RELN: variants seen among roughly 807,000 people sequenced by gnomAD.
The protein encoded by RELN is reelin.
In RELN, 108 loss-of-function variants were observed where a neutral mutation model predicts 427.6. The ratio of observed to expected loss-of-function variants is 0.25; its 90% CI spans 0.22 to 0.30. RELN has a LOEUF of 0.30. Ranked by LOEUF, RELN falls within the 10% of genes least tolerant of loss-of-function variation. The pLI is 1.00. For missense variants in RELN, 3,715 were observed against 4,302.8 expected (o/e 0.86, Z 3.82); for synonymous variants, 1,524 against 1,513.4 (o/e 1.01, Z -0.16).
At chr7:103,811,061 ATTAT>A (rs1283559362) in intron 3 of RELN, among the ~76,000 whole-genome samples, 1 of 152,246 alleles carries the variant, frequency 6.6e-6, no homozygotes, top group Non-Finnish European at 1.5e-5. Flanking sequence ...TTAATGTTCA[ATTAT>A]TTATTTTTTA....
chr7:103,545,290 C>A lies in RELN; in HGVS notation c.6357G>T (p.Val2119=). The A allele has an allele frequency of 1.2e-6, 2 of 1,614,158 alleles. No individual in the cohort carries two copies. Among genetic ancestry groups the A allele is most frequent in the Non-Finnish European group, 1.7e-6 (2 of 1,180,004 alleles). ...QGFYPAGSQP[V]TWAIDNVYIG... Reference sequence around the variant, plus strand: ...TGTAGACATTATCAATGGCCCATGTCACTGGCTGAGAGCCGGCAGGGTAAA... The same window carrying A: ...TGTAGACATTATCAATGGCCCATGTAACTGGCTGAGAGCCGGCAGGGTAAA... The change falls in exon 42 of 65, where the codon GTG becomes GTT. Residue 2119 remains valine, a synonymous_variant. Coordinates refer to ENST00000428762, the MANE Select transcript of RELN (RefSeq NM_005045.4).
chr7:103,878,978 G>A (rs561385865), intron 2 of RELN, among the ~76,000 whole-genome samples: 1 of 152,178 alleles, frequency 6.6e-6, no homozygotes, highest in Non-Finnish European at 1.5e-5. Context: ...CTAACAAAGT[G>A]AACCTCAGGC....
At chr7:103,777,109 G>C (rs1287358140) in intron 3 of RELN, among the ~76,000 whole-genome samples, 1 of 152,080 alleles carries the variant, frequency 6.6e-6, no homozygotes, top group African/African-American at 2.4e-5. Flanking sequence ...GCTATTCAAA[G>C]CTTTCATAAT....
At position 103,490,810 on chromosome 7, in the gene RELN, C is replaced by T. The variant is rs769668891; in HGVS notation, c.9463G>A (p.Val3155Ile). The T allele has an allele frequency of 5.3e-5, 85 of 1,613,996 alleles. No individual in the cohort carries two copies. The highest frequency in any genetic ancestry group is 6.0e-5 in the Non-Finnish European group (71 of 1,180,024). ...KDARSDSWQL[V>I]QTQCLPSSSN... is the part of the protein sequence containing the mutation. ...GAGGAAGGAAGGCACTGGGTCTGTA[C>T]GAGCTGCCAGGAATCCGATCTGCAG... The change falls in exon 59 of 65, where the codon GTA (valine) becomes ATA (isoleucine). Residue 3155 changes from valine (V) to isoleucine (I), a missense_variant. Val to Ile is a conservative substitution (Grantham distance 29, BLOSUM62 3). Around this residue, in one of 4 missense-constraint regions of RELN, gnomAD observed 1,310 missense variants for 1,643.0 expected, o/e 0.80. Coordinates refer to ENST00000428762, the MANE Select transcript of RELN (RefSeq NM_005045.4).
rs766869538 is a variant in RELN, at chr7:103,522,100, G to T, written c.7590C>A (p.Asn2530Lys). Residue 2530 changes from asparagine to lysine, a missense_variant, in exon 48 of 65, where the codon AAC becomes AAA. Around this residue, in one of 4 missense-constraint regions of RELN, gnomAD observed 1,310 missense variants for 1,643.0 expected, o/e 0.80. Transcript: ENST00000428762. Reference sequence around the variant, plus strand: ...ATTTCCCTCCGTTCACAGTCAGCCAGTTCTGACTGGATGGAGCTCGATTGA... The same window carrying T: ...ATTTCCCTCCGTTCACAGTCAGCCATTTCTGACTGGATGGAGCTCGATTGA... Reference protein sequence around the residue: ...DNFNRAPSSQNWLTVNGGKLS... With the variant: ...DNFNRAPSSQKWLTVNGGKLS... The T allele has an allele frequency of 2.3e-5, 37 of 1,613,944 alleles. No homozygotes were observed. Among genetic ancestry groups the T allele is most frequent in the Admixed American group, 1.8e-4 (11 of 59,994 alleles).
intron 4 of RELN, among the ~76,000 whole-genome samples, chr7:103,764,532 G>C (rs568157942): frequency 6.6e-6 from 1 of 151,834 alleles, no homozygotes; most frequent in African/African-American, 2.4e-5. Flanking sequence ...GTTCAACAGG[G>C]ACAATATAAA....
intron 1 of RELN, among the ~76,000 whole-genome samples, chr7:103,982,431 ATTTGTTTTC>A (rs1280198100): frequency 5.3e-5 from 8 of 152,168 alleles, no homozygotes; most frequent in Non-Finnish European, 2.9e-5. Flanking sequence ...AAATGTACTG[ATTTGTTTTC>A]ATATTACTAT....
chr7:103,520,967 T>G lies in RELN; in HGVS notation c.7668+1055A>C, dbSNP rs112374007. ...GGCAGTAAATTTGTTATTTTTTTTT[T>G]TTTTTTTTTTTTTTTTTTTTGAGAC... On this transcript the variant is annotated intron_variant, in intron 48 of 64. Transcript: ENST00000428762. Among the ~76,000 whole-genome samples the G allele has an allele frequency of 6.1e-5, 6 of 98,236 alleles. No homozygotes were observed. In the East Asian group the frequency reaches 1.5e-3, roughly 25 times the overall value. 64.4% of individuals were successfully genotyped at this position (98,236 alleles called of 152,430 possible).
chr7:103,930,784 T>C lies in RELN; in HGVS notation c.227-13599A>G, dbSNP rs148835589. Among the ~76,000 whole-genome samples the C allele has an allele frequency of 2.4e-3, 363 of 152,178 alleles. 2 individuals carry two copies. Among genetic ancestry groups the C allele is most frequent in the African/African-American group, 8.3e-3 (344 of 41,526 alleles). ...TGCCCAGCCCCATAACACATCTCTA[T>C]TCATTGCTTTTCTTCATGCTTCATT... On this transcript the variant is annotated intron_variant, in intron 1 of 64. Transcript: ENST00000428762.
At chr7:103,763,323 T>C (rs1791349321) in intron 4 of RELN, among the ~76,000 whole-genome samples, 1 of 152,210 alleles carries the variant, frequency 6.6e-6, no homozygotes, top group South Asian at 2.1e-4. Context: ...CTTTATATGG[T>C]TCATTCATTT....
At chr7:103,547,799 A>G (rs1432872637) in intron 41 of RELN, among the ~76,000 whole-genome samples, 1 of 152,040 alleles carries the variant, frequency 6.6e-6, no homozygotes, top group African/African-American at 2.4e-5. Flanking sequence ...ATTTATTCAA[A>G]TGTTCTGAAT....
chr7:103,657,126 T>A (rs999489176), intron 12 of RELN, among the ~76,000 whole-genome samples: 7 of 152,068 alleles, frequency 4.6e-5, no homozygotes, highest in African/African-American at 1.7e-4. Context: ...TAATTTGAAC[T>A]GAGAATGGAG....
chr7:103,510,629 A>G (rs1829375953), intron 51 of RELN, among the ~76,000 whole-genome samples: 1 of 152,240 alleles, frequency 6.6e-6, no homozygotes, highest in South Asian at 2.1e-4. Flanking sequence ...TTAAAGTATA[A>G]TAAAAAAAGA....
chr7:103,786,275 C>G (rs758246142), intron 3 of RELN, among the ~76,000 whole-genome samples: 4 of 150,846 alleles, frequency 2.7e-5, no homozygotes, highest in African/African-American at 4.9e-5. Context: ...AATCATATAC[C>G]CTTGTAGTTT....
At position 103,874,056 on chromosome 7, in the gene RELN, G is replaced by A. The variant is rs1484925951; in HGVS notation, c.338-40384C>T. Reference sequence around the variant, plus strand: ...GGGATGCAAGGCTGGTTCAATATATGCAAATCAGTAAATGTGATCCAGCAT... The same window carrying A: ...GGGATGCAAGGCTGGTTCAATATATACAAATCAGTAAATGTGATCCAGCAT... On this transcript the variant is annotated intron_variant, in intron 2 of 64. Transcript: ENST00000428762. 1.6e-4 allele frequency among the ~76,000 whole-genome samples: 24 copies of A among 146,208 alleles called. 2 individuals carry two copies. Among genetic ancestry groups the A allele is most frequent in the Non-Finnish European group, 2.9e-4 (19 of 65,972 alleles).
intron 28 of RELN, among the ~76,000 whole-genome samples, chr7:103,583,101 C>T (rs1011478788): frequency 6.6e-6 from 1 of 152,124 alleles, no homozygotes; most frequent in Non-Finnish European, 1.5e-5. Flanking sequence ...AAGTATAATC[C>T]TCCATTTTTC....
Position 103,539,283 on chromosome 7 carries a change from A to G in RELN, c.6975T>C (p.Asp2325=). The part of the protein sequence containing the change: ...GNISGNTVLE[D]DFTTLDSRKW... The stretch of plus-strand genomic sequence containing the variant: ...TCCTACTATCAAGGGTTGTGAAATC[A>G]TCTTCCAAGACCGTATTACCAGAAA... The change falls in exon 45 of 65, where the codon GAT becomes GAC. Residue 2325 remains aspartate, a synonymous_variant. Coordinates refer to ENST00000428762, the MANE Select transcript of RELN (RefSeq NM_005045.4). 2.5e-6 allele frequency: 4 copies of G among 1,614,236 alleles called. No homozygotes were observed. Among genetic ancestry groups the G allele is most frequent in the Admixed American group, 1.7e-5 (1 of 60,032 alleles).
Position 103,595,602 on chromosome 7 carries a change from T to C in RELN, c.3539+854A>G, listed in dbSNP as rs181582254. Among the ~76,000 whole-genome samples, 354 of 152,254 alleles carry C rather than the reference T, an allele frequency of 2.3e-3. 2 individuals carry two copies. Among genetic ancestry groups the C allele is most frequent in the African/African-American group, 7.9e-3 (330 of 41,568 alleles). ...CTGTAAGAACTGGGTTTATATAGTCTTAAATAATTTTTTTTCAATAAACAA... is the reference window on the plus strand; with the variant it reads ...CTGTAAGAACTGGGTTTATATAGTCCTAAATAATTTTTTTTCAATAAACAA... On this transcript the variant is annotated intron_variant, in intron 25 of 64. Transcript: ENST00000428762.
rs558141969 is a variant in RELN, at chr7:103,544,490, G to A, written c.6523+634C>T. 7.9e-5 allele frequency among the ~76,000 whole-genome samples: 12 copies of A among 152,086 alleles called. No individual in the cohort carries two copies. The South Asian group carries it at 2.1e-3, about 26-fold the overall frequency. On this transcript the variant is annotated intron_variant, in intron 42 of 64. Coordinates refer to ENST00000428762, the MANE Select transcript of RELN (RefSeq NM_005045.4). ...TCCACCTGCCTCAGCCTCCCAAGGTGCTGGGATTACAGGCATGAGCCACTG... is the reference window on the plus strand; with the variant it reads ...TCCACCTGCCTCAGCCTCCCAAGGTACTGGGATTACAGGCATGAGCCACTG...
Sources: gnomAD v4.1 joint callset for allele counts (sites outside exome capture counted in the v4.1 genomes callset) on GRCh38, gnomAD v4.1.1 for gene constraint, gnomAD v4.1.1 regional missense constraint, MANE v1.5 for transcripts, NCBI Gene and HGNC (gene_info 2026-07-23, HGNC 2026-07-21) for gene names.